The following CERT1 variants were observed in gnomAD, a reference collection of about 807,000 sequenced individuals.
CERT1 encodes ceramide transporter 1.
In CERT1, 31 loss-of-function variants were observed where a neutral mutation model predicts 87.9. The observed-to-expected ratio is 0.35, with a 90% CI of 0.27 to 0.48. CERT1 has a LOEUF of 0.48. Among genes scored for constraint, CERT1 ranks in the 20% least tolerant of loss-of-function variants. The probability of loss-of-function intolerance (pLI) is 0.99; values close to 1 mark genes in which losing one functional copy is unlikely to be tolerated. For synonymous variants in CERT1, 289 were observed against 250.9 expected, an observed-to-expected ratio of 1.15 and a Z score of -1.44; for missense variants, 487 against 758.0, an observed-to-expected ratio of 0.64 and a Z score of 4.20.
chr5:75,509,274 A>G (rs1187381904), intron 1 of CERT1, among the ~76,000 whole-genome samples: 1 of 152,204 alleles, frequency 6.6e-6, no homozygotes, highest in Non-Finnish European at 1.5e-5. Flanking sequence ...AGGTGAATAC[A>G]AAGAATTCAA....
At chr5:75,408,891 A>G (rs970030693) in intron 8 of CERT1, among the ~76,000 whole-genome samples, 1 of 152,140 alleles carries the variant, frequency 6.6e-6, no homozygotes, top group African/African-American at 2.4e-5. Context: ...TACCTAGCAC[A>G]AGGCCCCTCT....
rs962510080 is a variant in CERT1 at position 75,477,514 on chromosome 5, A to G, written c.232-18333T>C. Among the ~76,000 whole-genome samples, 4 of 152,112 alleles carry G rather than the reference A, an allele frequency of 2.6e-5. No individual in the cohort carries two copies. In the East Asian group the frequency reaches 5.8e-4, roughly 22 times the overall value. Reference sequence around the variant, plus strand: ...TCTGGCACAGTCTTTAAAACCTCTTAGTGTGATTTCTAAAAATTTCTGGGG... The same window carrying G: ...TCTGGCACAGTCTTTAAAACCTCTTGGTGTGATTTCTAAAAATTTCTGGGG... On this transcript the variant is annotated intron_variant, in intron 2 of 16. Transcript: ENST00000643780.
chr5:75,459,768 G>C (rs1765149771), intron 2 of CERT1, among the ~76,000 whole-genome samples: 2 of 152,058 alleles, frequency 1.3e-5, no homozygotes. Flanking sequence ...TTCAAGACCA[G>C]CCTGGCCAAG....
intron 3 of CERT1, among the ~76,000 whole-genome samples, chr5:75,456,313 AAAT>A (rs1764979923): frequency 6.6e-6 from 1 of 152,148 alleles, no homozygotes; most frequent in African/African-American, 2.4e-5. Flanking sequence ...TTAGTACATT[AAAT>A]AATATTAACA....
rs757349878 is a variant in CERT1 at position 75,485,312 on chromosome 5, C to CAAAAA, written c.231+20665_231+20669dup. On this transcript the variant is annotated intron_variant, in intron 2 of 16. Transcript: ENST00000643780. Reference sequence around the variant, plus strand: ...CCAAGACACTGTCTACACAAAAATACAAAAAAAAAAAAAAAAAAAAAAAAA... The same window carrying CAAAAA: ...CCAAGACACTGTCTACACAAAAATACAAAAAAAAAAAAAAAAAAAAAAAAAAAAAA... Among the ~76,000 whole-genome samples, 34 of 46,446 alleles carry CAAAAA rather than the reference C, an allele frequency of 7.3e-4. 1 individual carries two copies. Among genetic ancestry groups the CAAAAA allele is most frequent in the African/African-American group, 1.8e-3 (20 of 11,058 alleles). 30.5% of individuals were successfully genotyped at this position (46,446 alleles called of 152,430 possible).
At chr5:75,395,797 T>G (rs1762227032) in intron 11 of CERT1, among the ~76,000 whole-genome samples, 1 of 151,460 alleles carries the variant, frequency 6.6e-6, no homozygotes, top group Non-Finnish European at 1.5e-5. Flanking sequence ...TTGCAGTGAG[T>G]TGAGATCGTG....
intron 2 of CERT1, among the ~76,000 whole-genome samples, chr5:75,485,492 C>A (rs1766481275): frequency 6.6e-6 from 1 of 151,082 alleles, no homozygotes; most frequent in Admixed American, 6.6e-5. Context: ...CAAACCAAAC[C>A]CCAAATTAGC....
intron 17 of CERT1, chr5:75,368,915 A>C (rs1361153986): frequency 6.6e-6 from 1 of 151,418 alleles, no homozygotes; most frequent in East Asian, 2.0e-4. Flanking sequence ...GTAAGTTGAA[A>C]ACTTTTTTTT....
At chr5:75,476,239 G>A (rs1357148043) in intron 2 of CERT1, among the ~76,000 whole-genome samples, 1 of 151,854 alleles carries the variant, frequency 6.6e-6, no homozygotes, top group African/African-American at 2.4e-5. Context: ...TAAAGAGGTT[G>A]TTTTCTTGAT....
intron 5 of CERT1, among the ~76,000 whole-genome samples, chr5:75,422,593 G>C (rs1763431571): frequency 6.6e-6 from 1 of 152,134 alleles, no homozygotes; most frequent in South Asian, 2.1e-4. Context: ...CTCCAGCCTG[G>C]GTGACAGAGG....
At chr5:75,374,765 A>C, downstream of CERT1, 1 of 554,118 alleles carries the variant, frequency 1.8e-6, no homozygotes, top group Non-Finnish European at 3.5e-6. Context: ...ACCCCAATTT[A>C]GACCTGCGGG....
chr5:75,389,249 T>C (rs1761934787), intron 12 of CERT1, among the ~76,000 whole-genome samples: 1 of 152,156 alleles, frequency 6.6e-6, no homozygotes, highest in Non-Finnish European at 1.5e-5. Context: ...ACATTCAGTA[T>C]GTTAAAAAAA....
intron 3 of CERT1, among the ~76,000 whole-genome samples, chr5:75,439,080 T>C (rs1163934437): frequency 6.6e-6 from 1 of 151,892 alleles, no homozygotes; most frequent in African/African-American, 2.4e-5. Flanking sequence ...CTAAATCCAA[T>C]ATATATATAC....
At chr5:75,416,285 T>C (rs563448095) in intron 7 of CERT1, among the ~76,000 whole-genome samples, 5 of 152,286 alleles carry the variant, frequency 3.3e-5, no homozygotes, top group African/African-American at 1.2e-4. Context: ...TTACTATTAT[T>C]CTAAAGCTGA....
intron 3 of CERT1, among the ~76,000 whole-genome samples, chr5:75,455,962 T>A (rs958033585): frequency 2.6e-5 from 4 of 152,312 alleles, no homozygotes; most frequent in Admixed American, 6.5e-5. Flanking sequence ...CAATGATTAG[T>A]ACTTGGTGAT....
At chr5:75,442,949 T>C (rs1764386047) in intron 3 of CERT1, among the ~76,000 whole-genome samples, 1 of 152,188 alleles carries the variant, frequency 6.6e-6, no homozygotes, top group Non-Finnish European at 1.5e-5. Context: ...TATGTATGCA[T>C]AGGAAAAAAA....
At chr5:75,380,376 C>T (rs551292283) in intron 16 of CERT1, among the ~76,000 whole-genome samples, 3 of 152,306 alleles carry the variant, frequency 2.0e-5, no homozygotes, top group South Asian at 2.1e-4. Flanking sequence ...AACATTGATT[C>T]AGAAAGCTAA....
chr5:75,417,711 G>T (rs1348772243), intron 6 of CERT1, among the ~76,000 whole-genome samples: 1 of 152,150 alleles, frequency 6.6e-6, no homozygotes, highest in East Asian at 1.9e-4. Context: ...AGAACAAATT[G>T]TGAAACTTAA....
In CERT1 at chr5:75,488,917, T is replaced by G. The variant is rs116291609; in HGVS notation, c.231+17065A>C. On this transcript the variant is annotated intron_variant, in intron 2 of 16. Coordinates refer to ENST00000643780, the MANE Select transcript of CERT1 (RefSeq NM_001379029.1). ...TAAATAAAGCCTCATTAAAGAAAATTTTTTTCAGAGCCCATATAGCCAAGA... is the reference window on the plus strand; with the variant it reads ...TAAATAAAGCCTCATTAAAGAAAATGTTTTTCAGAGCCCATATAGCCAAGA... Among the ~76,000 whole-genome samples, 1,229 of 152,104 alleles carry G rather than the reference T, an allele frequency of 8.1e-3. 17 individuals carry two copies. The highest frequency in any genetic ancestry group is 0.028 in the African/African-American group (1,180 of 41,476).
Sources: gnomAD v4.1 joint callset for allele counts (sites outside exome capture counted in the v4.1 genomes callset) on GRCh38, gnomAD v4.1.1 for gene constraint, MANE v1.5 for transcripts, NCBI Gene and HGNC (gene_info 2026-07-23, HGNC 2026-07-21) for gene names.